The following MUC5B variants were observed in gnomAD, a reference collection of about 807,000 sequenced individuals.
The protein encoded by MUC5B is mucin-5B.
A neutral mutation model predicts 376.9 loss-of-function variants in MUC5B; 116 were observed. The observed-to-expected ratio is 0.31, with a 90% CI of 0.26 to 0.36. The LOEUF (loss-of-function observed/expected upper bound fraction) is 0.36, where lower values mean the gene tolerates loss of function less well. Among genes scored for constraint, MUC5B ranks in the 10% least tolerant of loss-of-function variants. MUC5B has a pLI of 1.00. For synonymous variants in MUC5B, 3,517 were observed against 3,390.9 expected, an observed-to-expected ratio of 1.04 and a Z score of -1.29; for missense variants, 7,165 against 7,769.9, an observed-to-expected ratio of 0.92 and a Z score of 2.93.
rs1862754728 is a variant in MUC5B, at chr11:1,253,401, G to A, written c.15217+421G>A. Among the ~76,000 whole-genome samples, 3 of 152,200 alleles carry A rather than the reference G, an allele frequency of 2.0e-5. No homozygotes were observed. Among genetic ancestry groups the A allele is most frequent in the Non-Finnish European group, 1.5e-5 (1 of 67,988 alleles). On this transcript the variant is annotated intron_variant, in intron 33 of 48. Coordinates refer to ENST00000529681, the MANE Select transcript of MUC5B (RefSeq NM_002458.3). This position sits in a 1 kb window ranked among gnomAD's most constrained non-coding sequence, Gnocchi z 4.3. Reference sequence around the variant, plus strand: ...GCTTCTGGGGCCAGGAGAAGCTCAGGATGGAAGCGGGAGCCCAGAGGAGCT... The same window carrying A: ...GCTTCTGGGGCCAGGAGAAGCTCAGAATGGAAGCGGGAGCCCAGAGGAGCT...
chr11:1,246,316 G>T lies in MUC5B; in HGVS notation c.9436G>T (p.Ala3146Ser), dbSNP rs1193684127. Reference sequence around the variant, plus strand: ...GCTGACCACAGCAGCCACTACAACTGCAGCCACTGGCCCCACGGCCACCCC... The same window carrying T: ...GCTGACCACAGCAGCCACTACAACTTCAGCCACTGGCCCCACGGCCACCCC... ...TELTTAATTT[A>S]ATGPTATPSS... Residue 3146 changes from alanine (A) to serine (S), a missense_variant, in exon 31 of 49, where the codon GCA becomes TCA. Physicochemically the swap from Ala to Ser is moderately conservative, Grantham distance 99. Around this residue, in one of 31 missense-constraint regions of MUC5B, gnomAD observed 939 missense variants for 770.6 expected, o/e 1.22. Transcript: ENST00000529681. 7.5e-6 allele frequency: 12 copies of T among 1,600,694 alleles called. No homozygotes were observed. Among genetic ancestry groups the T allele is most frequent in the Non-Finnish European group, 9.4e-6 (11 of 1,171,582 alleles).
At position 1,242,230 on chromosome 11, in the gene MUC5B, T is replaced by G; in HGVS notation, c.5350T>G (p.Cys1784Gly). 1 of 1,613,808 alleles carries G rather than the reference T, an allele frequency of 6.2e-7. No individual in the cohort carries two copies. Among genetic ancestry groups the G allele is most frequent in the Non-Finnish European group, 8.5e-7 (1 of 1,179,876 alleles). Residue 1784 changes from cysteine to glycine, a missense_variant, in exon 31 of 49, where the codon TGT becomes GGT. Physicochemically the swap from Cys to Gly is radical, Grantham distance 159. Coordinates refer to ENST00000529681, the MANE Select transcript of MUC5B (RefSeq NM_002458.3). ...NTTTSQGTTR[C>G]QPKCEWTEWF... ...CACCACCAGCCAGGGCACGACCCGCTGTCAACCGAAGTGTGAGTGGACAGA... is the reference window on the plus strand; with the variant it reads ...CACCACCAGCCAGGGCACGACCCGCGGTCAACCGAAGTGTGAGTGGACAGA...
In MUC5B at chr11:1,234,490, G is replaced by C; in HGVS notation, c.2479-39G>C. 1.3e-6 allele frequency: 2 copies of C among 1,557,436 alleles called. No individual in the cohort carries two copies. The highest frequency in any genetic ancestry group is 1.7e-4 in the Middle Eastern group (1 of 5,826). On this transcript the variant is annotated intron_variant, in intron 20 of 48. Transcript: ENST00000529681. This position sits in a 1 kb window ranked among gnomAD's most constrained non-coding sequence, Gnocchi z 6.3. ...AGGGTGAGTGACATCTGCCCACCCT[G>C]GTGTCCAGCCCTGACCGGTACCTGC...
chr11:1,243,122 C>A lies in MUC5B; in HGVS notation c.6242C>A (p.Thr2081Asn), dbSNP rs768196831. The stretch of plus-strand genomic sequence containing the variant: ...CCTCCAGTGTGGATCAGCACAACCA[C>A]CACACCCACAACCAGAGGCTCCACG... ...LTPPVWISTTTTPTTRGSTVT... is the reference protein window; with the variant it reads ...LTPPVWISTTNTPTTRGSTVT... Residue 2081 changes from threonine (T) to asparagine (N), a missense_variant, in exon 31 of 49, where the codon ACC (threonine) becomes AAC (asparagine). Thr to Asn is a moderately conservative substitution (Grantham distance 65). Coordinates refer to ENST00000529681, the MANE Select transcript of MUC5B (RefSeq NM_002458.3). 24 of 1,610,618 alleles carry A rather than the reference C, an allele frequency of 1.5e-5. No individual in the cohort carries two copies. The East Asian group carries it at 4.7e-4, about 31-fold the overall frequency.
rs12418291 is a variant in MUC5B, at chr11:1,250,278, G to A, written c.13398G>A (p.Thr4466=). ...CCGTGACGGTGCCCACCGGATCCAC[G>A]GCCACCGCCTCCTCCACCCAGGCAA... is the stretch of plus-strand genomic sequence containing the variant. ...TATVTVPTGS[T]ATASSTQATA... The change falls in exon 31 of 49, where the codon ACG becomes ACA. Residue 4466 remains threonine, a synonymous_variant. Transcript: ENST00000529681. The A allele has an allele frequency of 0.31, 499,963 of 1,611,090 alleles. 80,446 individuals are homozygous for A. Among genetic ancestry groups the A allele is most frequent in the East Asian group, 0.59 (26,617 of 44,782 alleles).
Position 1,247,258 on chromosome 11 carries a change from C to G in MUC5B, c.10378C>G (p.Pro3460Ala), listed in dbSNP as rs200106077. 6.2e-7 allele frequency: 1 copy of G among 1,611,906 alleles called. No individual in the cohort carries two copies. The highest frequency in any genetic ancestry group is 8.5e-7 in the Non-Finnish European group (1 of 1,179,516). ...TTATTHGRSL[P>A]PSSPHTVRTA... ...GGCCACCACACACGGGCGGTCCCTG[C>G]CCCCCAGCAGTCCCCACACGGTGCG... Residue 3460 changes from proline (P) to alanine (A), a missense_variant, in exon 31 of 49, where the codon CCC becomes GCC. Pro to Ala is a conservative substitution (Grantham distance 27). Transcript: ENST00000529681.
intron 31 of MUC5B, 141 bp from the exon 32 acceptor site, chr11:1,252,202 C>A: frequency 1.3e-6 from 1 of 796,576 alleles, no homozygotes; most frequent in Middle Eastern, 3.1e-4. Context: ...CCCCACTGGC[C>A]ACACTCAGCC....
rs1862909018 is a variant in MUC5B at position 1,258,572 on chromosome 11, CCT to C, written c.16593+208_16593+209del. On this transcript the variant is annotated intron_variant, in intron 43 of 48. Coordinates refer to ENST00000529681, the MANE Select transcript of MUC5B (RefSeq NM_002458.3). This position sits in a 1 kb window ranked among gnomAD's most constrained non-coding sequence, Gnocchi z 5.5. ...ACAGCCATGAGCTCCACAACTGCTGCCTCTGAGAGGTCCCTTCAGGGGCTCCC... is the reference window on the plus strand; with the variant it reads ...ACAGCCATGAGCTCCACAACTGCTGCCTGAGAGGTCCCTTCAGGGGCTCCC... Among the ~76,000 whole-genome samples the C allele has an allele frequency of 6.6e-6, 1 of 152,182 alleles. No individual in the cohort carries two copies.
chr11:1,247,187 C>A lies in MUC5B; in HGVS notation c.10307C>A (p.Ser3436Tyr). The A allele has an allele frequency of 1.3e-6, 2 of 1,564,722 alleles. No homozygotes were observed. The highest frequency in any genetic ancestry group is 4.5e-5 in the East Asian group (2 of 44,100). Residue 3436 changes from serine (S) to tyrosine (Y), a missense_variant, in exon 31 of 49, where the codon TCC (serine) becomes TAC (tyrosine). This residue lies in a region of MUC5B where 939 missense variants were observed against 770.6 expected (regional missense o/e 1.22). Coordinates refer to ENST00000529681, the MANE Select transcript of MUC5B (RefSeq NM_002458.3). ...GCCACCAGCAGCACAGTGACTCCCT[C>A]CTCTGCCCTAGGGACCACCCACACA... is the stretch of plus-strand genomic sequence containing the variant. ...PAATSSTVTP[S>Y]SALGTTHTPP... is the part of the protein sequence containing the mutation.
Position 1,246,478 on chromosome 11 carries a change from G to A in MUC5B, c.9598G>A (p.Ala3200Thr), listed in dbSNP as rs867241477. The A allele has an allele frequency of 6.2e-7, 1 of 1,613,118 alleles. No homozygotes were observed. The highest frequency in any genetic ancestry group is 8.5e-7 in the Non-Finnish European group (1 of 1,179,602). ...AGTLKVLTST[A>T]TTPTVISSRA... ...CACCCTCAAAGTGCTGACCAGCACG[G>A]CCACCACACCCACAGTCATCAGCTC... Residue 3200 changes from alanine (A) to threonine (T), a missense_variant, in exon 31 of 49, where the codon GCC (alanine) becomes ACC (threonine). Transcript: ENST00000529681.
chr11:1,235,047 AG>A (rs776507304), intron 21 of MUC5B, 37 bp from the exon 22 acceptor site: 1 of 1,586,574 alleles, frequency 6.3e-7, no homozygotes, highest in Non-Finnish European at 8.6e-7. Flanking sequence ...CCGGGAGAGC[AG>A]GCCCCTGTGA....
chr11:1,256,686 G>C lies in MUC5B; in HGVS notation c.16152G>C (p.Gln5384His), dbSNP rs1016689218. Residue 5384 changes from glutamine to histidine, a missense_variant, in exon 39 of 49, where the codon CAG becomes CAC. Physicochemically the swap from Gln to His is conservative, Grantham distance 24. Around this residue, in one of 31 missense-constraint regions of MUC5B, gnomAD observed 842 missense variants for 1,016.9 expected, o/e 0.83. Coordinates refer to ENST00000529681, the MANE Select transcript of MUC5B (RefSeq NM_002458.3). ...ATCNSRNQSP[Q>H]LEGMAEGCFC... The stretch of plus-strand genomic sequence containing the variant: ...CATCCTGCAGGAACCAGAGCCCACA[G>C]CTGGAGGGGATGGCGGAGGGCTGCT... The C allele has an allele frequency of 2.6e-6, 4 of 1,567,748 alleles. No homozygotes were observed. Among genetic ancestry groups the C allele is most frequent in the South Asian group, 1.2e-5 (1 of 84,800 alleles).
rs1326263985 is a variant in MUC5B, at chr11:1,248,081, C to T, written c.11201C>T (p.Pro3734Leu). The T allele has an allele frequency of 2.5e-6, 4 of 1,602,956 alleles. No individual in the cohort carries two copies. In the South Asian group the frequency reaches 3.3e-5, roughly 13 times the overall value. Residue 3734 changes from proline (P) to leucine (L), a missense_variant, in exon 31 of 49, where the codon CCC becomes CTC. Physicochemically the swap from Pro to Leu is moderately conservative, Grantham distance 98 (BLOSUM62 -3). Coordinates refer to ENST00000529681, the MANE Select transcript of MUC5B (RefSeq NM_002458.3). ...EPSTTATVTVPTGSTATASST... is the reference protein window; with the variant it reads ...EPSTTATVTVLTGSTATASST... ...AGCACTACAGCCACCGTGACGGTGC[C>T]CACCGGATCCACGGCCACCGCCTCC... is the stretch of plus-strand genomic sequence containing the variant.
At position 1,244,685 on chromosome 11, in the gene MUC5B, C is replaced by G. The variant is rs773901217; in HGVS notation, c.7805C>G (p.Thr2602Arg). ...SVATPSSTPG[T>R]AHTTKVLTTT... The stretch of plus-strand genomic sequence containing the variant: ...GCCACCCCCTCCTCCACCCCAGGAA[C>G]AGCTCACACTACCAAAGTGCTGACT... The change falls in exon 31 of 49, where the codon ACA (threonine) becomes AGA (arginine). Residue 2602 changes from threonine to arginine, a missense_variant. Transcript: ENST00000529681. The G allele has an allele frequency of 2.9e-5, 46 of 1,613,012 alleles. No individual in the cohort carries two copies. In the East Asian group the frequency reaches 9.4e-4, roughly 33 times the overall value.
At chr11:1,225,096 C>A (rs1049792872) in intron 1 of MUC5B, among the ~76,000 whole-genome samples, 7 of 152,220 alleles carry the variant, frequency 4.6e-5, no homozygotes, top group African/African-American at 1.7e-4. Flanking sequence ...CCAGTATCAA[C>A]GGCCACACAG....
chr11:1,254,413 A>G, intron 34 of MUC5B, 62 bp downstream of exon 34: 2 of 1,575,840 alleles, frequency 1.3e-6, no homozygotes, highest in Non-Finnish European at 1.7e-6. Context: ...GGGCAGGCCG[A>G]CTGCAGGCCG....
chr11:1,244,110 C>T lies in MUC5B; in HGVS notation c.7230C>T (p.Asn2410=). 6.2e-7 allele frequency: 1 copy of T among 1,609,082 alleles called. No individual in the cohort carries two copies. The highest frequency in any genetic ancestry group is 1.7e-5 in the Admixed American group (1 of 59,972). Residue 2410 remains asparagine (N), a synonymous_variant, in exon 31 of 49, where the codon AAC becomes AAT. Coordinates refer to ENST00000529681, the MANE Select transcript of MUC5B (RefSeq NM_002458.3). ...FNYEIRVFCC[N]YGHCPSTPAT... Reference sequence around the variant, plus strand: ...ATGAAATCCGTGTGTTCTGCTGCAACTACGGCCACTGCCCCAGCACCCCGG... The same window carrying T: ...ATGAAATCCGTGTGTTCTGCTGCAATTACGGCCACTGCCCCAGCACCCCGG...
chr11:1,244,820 T>G lies in MUC5B; in HGVS notation c.7940T>G (p.Val2647Gly), dbSNP rs749664879. Reference protein sequence around the residue: ...TTTPTTRGSTVTPSSIPGTTH... With the variant: ...TTTPTTRGSTGTPSSIPGTTH... ...ACACCCACAACCAGAGGTTCCACGG[T>G]GACCCCCTCCTCCATCCCGGGGACC... Residue 2647 changes from valine to glycine, a missense_variant, in exon 31 of 49, where the codon GTG (valine) becomes GGG (glycine). Physicochemically the swap from Val to Gly is moderately radical, Grantham distance 109 (BLOSUM62 -3). Around this residue, in one of 31 missense-constraint regions of MUC5B, gnomAD observed 141 missense variants for 111.2 expected, o/e 1.27. Transcript: ENST00000529681. 5.6e-6 allele frequency: 9 copies of G among 1,613,074 alleles called. No individual in the cohort carries two copies. The highest frequency in any genetic ancestry group is 7.6e-6 in the Non-Finnish European group (9 of 1,179,622).
chr11:1,244,640 C>T lies in MUC5B; in HGVS notation c.7760C>T (p.Thr2587Ile). The change falls in exon 31 of 49, where the codon ACC becomes ATC. Residue 2587 changes from threonine (T) to isoleucine (I), a missense_variant. Physicochemically the swap from Thr to Ile is moderately conservative, Grantham distance 89. Coordinates refer to ENST00000529681, the MANE Select transcript of MUC5B (RefSeq NM_002458.3). ...STVLTTTATT[T>I]GATGSVATPS... ...GTGCTTACCACCACGGCCACCACAA[C>T]CGGGGCCACCGGCTCTGTGGCCACC... 6.2e-7 allele frequency: 1 copy of T among 1,613,492 alleles called. No homozygotes were observed. The highest frequency in any genetic ancestry group is 8.5e-7 in the Non-Finnish European group (1 of 1,179,728).
Sources: allele counts gnomAD v4.1 joint callset (sites outside exome capture counted in the v4.1 genomes callset), GRCh38; gene constraint gnomAD v4.1.1; regional missense constraint gnomAD v4.1.1; non-coding constraint Gnocchi (gnomAD v3.1); transcripts MANE v1.5; gene names NCBI Gene and HGNC (gene_info 2026-07-23, HGNC 2026-07-21).